KCNIP1: variants seen among roughly 807,000 people sequenced by gnomAD.
The protein encoded by KCNIP1 is A-type potassium channel modulatory protein KCNIP1.
In KCNIP1, 18 loss-of-function variants were observed where a neutral mutation model predicts 33.0. The ratio of observed to expected loss-of-function variants is 0.55; its 90% CI spans 0.38 to 0.81. The LOEUF (loss-of-function observed/expected upper bound fraction) is 0.81. KCNIP1 is among the 30% of genes least tolerant of loss of function. The probability of loss-of-function intolerance (pLI) is 0.00; values close to 1 mark genes in which losing one functional copy is unlikely to be tolerated. For missense variants in KCNIP1, 238 were observed against 271.6 expected (o/e 0.88, Z 0.87); for synonymous variants, 93 against 98.3 (o/e 0.95, Z 0.32).
intron 1 of KCNIP1, among the ~76,000 whole-genome samples, chr5:170,496,651 C>G (rs184261787): frequency 6.6e-6 from 1 of 152,348 alleles, no homozygotes; most frequent in Admixed American, 6.5e-5. Context: ...ACCATTGACT[C>G]CTGGACATTT....
At chr5:170,730,471 C>G (rs138174636) in intron 5 of KCNIP1, among the ~76,000 whole-genome samples, 3 of 152,228 alleles carry the variant, frequency 2.0e-5, no homozygotes, top group African/African-American at 7.2e-5. Flanking sequence ...TTGGAGATAA[C>G]CTCATCCAAG....
intron 1 of KCNIP1, among the ~76,000 whole-genome samples, chr5:170,446,491 C>G (rs1361395626): frequency 6.6e-6 from 1 of 152,096 alleles, no homozygotes; most frequent in Non-Finnish European, 1.5e-5. Context: ...GATACAGGGT[C>G]TTGCTCTGTT....
intron 1 of KCNIP1, among the ~76,000 whole-genome samples, chr5:170,435,074 C>A (rs1226457063): frequency 6.6e-6 from 1 of 152,242 alleles, no homozygotes; most frequent in Non-Finnish European, 1.5e-5. Flanking sequence ...AAGGGGCCAG[C>A]GTCAGGTCCT....
intron 1 of KCNIP1, among the ~76,000 whole-genome samples, chr5:170,567,277 T>G (rs1288710688): frequency 6.6e-6 from 1 of 152,138 alleles, no homozygotes; most frequent in Admixed American, 6.5e-5. Flanking sequence ...CCTGGGGACC[T>G]CCCCACCAAC....
Position 170,412,908 on chromosome 5 carries a change from G to A in KCNIP1, c.88+58944G>A, listed in dbSNP as rs528084873. 1.6e-4 allele frequency among the ~76,000 whole-genome samples: 24 copies of A among 151,988 alleles called. No homozygotes were observed. The South Asian group carries it at 4.8e-3, about 30-fold the overall frequency. On this transcript the variant is annotated intron_variant, in intron 1 of 7. Coordinates refer to the KCNIP1 transcript ENST00000377360. Reference sequence around the variant, plus strand: ...CCCTCATTTACACCACACACCTGCCGCCCCAGGCACCCAGCCTCGTGACTA... The same window carrying A: ...CCCTCATTTACACCACACACCTGCCACCCCAGGCACCCAGCCTCGTGACTA...
At chr5:170,485,970 C>T (rs1226896365) in intron 1 of KCNIP1, 1 of 152,232 alleles carries the variant, frequency 6.6e-6, no homozygotes, top group Non-Finnish European at 1.5e-5. Flanking sequence ...CCTAAGAAGC[C>T]CAGAAGGTGC....
intron 1 of KCNIP1, among the ~76,000 whole-genome samples, chr5:170,520,465 T>A (rs1755320719): frequency 6.6e-6 from 1 of 152,172 alleles, no homozygotes; most frequent in African/African-American, 2.4e-5. Context: ...GTAGACTGAA[T>A]CCCAGTTCTG....
chr5:170,651,696 G>T (rs535709392), intron 1 of KCNIP1, among the ~76,000 whole-genome samples: 10 of 152,036 alleles, frequency 6.6e-5, no homozygotes, highest in Non-Finnish European at 1.5e-4. Context: ...TGAATGCCTC[G>T]GACAGATTTA....
intron 1 of KCNIP1, among the ~76,000 whole-genome samples, chr5:170,387,479 G>C (rs77155563): frequency 0.016 from 2,464 of 152,268 alleles, 55 homozygotes; most frequent in African/African-American, 0.057. Flanking sequence ...AGGCACCACG[G>C]ATACCCATCA....
chr5:170,521,668 C>A (rs1174444194), intron 1 of KCNIP1, among the ~76,000 whole-genome samples: 3 of 152,180 alleles, frequency 2.0e-5, no homozygotes, highest in African/African-American at 7.2e-5. Flanking sequence ...TTAGGAGTGA[C>A]ACAAGAGATG....
intron 1 of KCNIP1, among the ~76,000 whole-genome samples, chr5:170,391,551 C>A (rs1221502894): frequency 6.6e-6 from 1 of 152,194 alleles, no homozygotes; most frequent in African/African-American, 2.4e-5. Flanking sequence ...AATAACAATG[C>A]TGCAACAATA....
chr5:170,637,010 C>T (rs1760310849), intron 1 of KCNIP1, among the ~76,000 whole-genome samples: 1 of 152,156 alleles, frequency 6.6e-6, no homozygotes, highest in South Asian at 2.1e-4. Flanking sequence ...CCAACCCATC[C>T]CCATCACCAA....
chr5:170,621,250 C>T (rs996781086), intron 1 of KCNIP1, among the ~76,000 whole-genome samples: 2 of 152,326 alleles, frequency 1.3e-5, no homozygotes, highest in South Asian at 2.1e-4. Context: ...ACCCTGTAGG[C>T]CAGTAGGCAT....
chr5:170,534,578 T>C (rs1755903988), intron 1 of KCNIP1, among the ~76,000 whole-genome samples: 1 of 152,102 alleles, frequency 6.6e-6, no homozygotes, highest in East Asian at 1.9e-4. Flanking sequence ...AGTGCAGTGA[T>C]GTGACCACAG....
chr5:170,571,473 C>T (rs546857106), intron 1 of KCNIP1, among the ~76,000 whole-genome samples: 2 of 152,372 alleles, frequency 1.3e-5, no homozygotes, highest in South Asian at 4.1e-4. Context: ...CTCCAGGTCT[C>T]AGTTGAAACA....
intron 1 of KCNIP1, among the ~76,000 whole-genome samples, chr5:170,448,915 C>T (rs1561631156): frequency 6.6e-6 from 1 of 152,170 alleles, no homozygotes; most frequent in African/African-American, 2.4e-5. Context: ...CAGATGAGAA[C>T]ACTGAGGCTC....
intron 1 of KCNIP1, among the ~76,000 whole-genome samples, chr5:170,662,329 C>T (rs561548187): frequency 9.2e-5 from 14 of 152,276 alleles, no homozygotes; most frequent in Admixed American, 2.6e-4. Flanking sequence ...GAGGGAGGAG[C>T]TACCCGGGGG....
At chr5:170,642,886 G>T (rs1365363862) in intron 1 of KCNIP1, among the ~76,000 whole-genome samples, 1 of 152,212 alleles carries the variant, frequency 6.6e-6, no homozygotes, top group Non-Finnish European at 1.5e-5. Flanking sequence ...TTTTACACTG[G>T]AGGAAACTGA....
chr5:170,677,031 G>A (rs1041480274), intron 1 of KCNIP1, among the ~76,000 whole-genome samples: 1 of 152,180 alleles, frequency 6.6e-6, no homozygotes, highest in Non-Finnish European at 1.5e-5. Flanking sequence ...CCCAGATCCA[G>A]ATCTCCAGAC....
Sources: gnomAD v4.1 joint callset for allele counts (sites outside exome capture counted in the v4.1 genomes callset) on GRCh38, gnomAD v4.1.1 for gene constraint, MANE v1.5 for transcripts, NCBI Gene and HGNC (gene_info 2026-07-23, HGNC 2026-07-21) for gene names.